SNAP91: variants seen among roughly 807,000 people sequenced by gnomAD.
The protein encoded by SNAP91 is clathrin coat assembly protein AP180.
A neutral mutation model predicts 100.3 loss-of-function variants in SNAP91; 27 were observed. That is an observed-to-expected ratio of 0.27 (90% CI 0.20 to 0.37). The LOEUF (loss-of-function observed/expected upper bound fraction) is 0.37, where lower values mean the gene tolerates loss of function less well. Ranked by LOEUF, SNAP91 falls within the 10% of genes least tolerant of loss-of-function variation. The probability of loss-of-function intolerance (pLI) is 1.00; values close to 1 mark genes in which losing one functional copy is unlikely to be tolerated. For missense variants in SNAP91, 986 were observed against 1,123.7 expected (o/e 0.88, Z 1.75); for synonymous variants, 404 against 398.6 (o/e 1.01, Z -0.16).
At chr6:83,663,015 A>G (rs2098590515) in intron 3 of SNAP91, among the ~76,000 whole-genome samples, 1 of 152,030 alleles carries the variant, frequency 6.6e-6, no homozygotes, top group Admixed American at 6.6e-5. Context: ...TTATTATTAT[A>G]TCTGTTTTGG....
intron 28 of SNAP91, among the ~76,000 whole-genome samples, chr6:83,557,554 G>T (rs1410587035): frequency 6.6e-6 from 1 of 151,852 alleles, no homozygotes; most frequent in African/African-American, 2.4e-5. Flanking sequence ...TGCATCTGTG[G>T]TCCCAGCTAC....
chr6:83,659,757 GTTTT>G (rs142190338), intron 5 of SNAP91, among the ~76,000 whole-genome samples: 2 of 150,870 alleles, frequency 1.3e-5, no homozygotes, highest in Non-Finnish European at 3.0e-5. Context: ...AAAAAAGCCA[GTTTT>G]TTTTTCTTTT....
Position 83,592,537 on chromosome 6 carries a change from C to A in SNAP91, c.1848G>T (p.Val616=). 1 of 1,605,732 alleles carries A rather than the reference C, an allele frequency of 6.2e-7. No individual in the cohort carries two copies. Residue 616 remains valine (V), a splice_region_variant and synonymous_variant, in exon 21 of 30, where the codon GTG becomes GTT. Transcript: ENST00000369694. The part of the protein sequence containing the change: ...ESSLTADLLS[V]DAFAAPSPAT... Reference sequence around the variant, plus strand: ...CAGGAGATGGTGCTGCAAATGCATCCACTGCAGTGAAGCACAGACAGGAAA... The same window carrying A: ...CAGGAGATGGTGCTGCAAATGCATCAACTGCAGTGAAGCACAGACAGGAAA...
intron 2 of SNAP91, among the ~76,000 whole-genome samples, chr6:83,700,538 ATCT>A (rs764876045): frequency 6.6e-6 from 1 of 151,758 alleles, no homozygotes; most frequent in African/African-American, 2.4e-5. Context: ...ACTATAATTA[ATCT>A]TCATTTTACA....
At chr6:83,555,440 T>C (rs915645512) in intron 29 of SNAP91, among the ~76,000 whole-genome samples, 4 of 152,134 alleles carry the variant, frequency 2.6e-5, no homozygotes, top group African/African-American at 9.7e-5. Context: ...ACAAAAAATA[T>C]CTGGATAGTT....
At chr6:83,605,198 G>A (rs1165396307) in intron 14 of SNAP91, among the ~76,000 whole-genome samples, 1 of 152,030 alleles carries the variant, frequency 6.6e-6, no homozygotes, top group East Asian at 1.9e-4. Context: ...ATAAGAATCT[G>A]TAAAAAGATT....
chr6:83,668,915 A>G (rs1159326144), intron 2 of SNAP91, among the ~76,000 whole-genome samples: 1 of 152,014 alleles, frequency 6.6e-6, no homozygotes, highest in Non-Finnish European at 1.5e-5. Context: ...AAATATTATT[A>G]AGTTGAAAAT....
At chr6:83,592,788 AC>A (rs2093953083) in intron 20 of SNAP91, among the ~76,000 whole-genome samples, 157 bp downstream of exon 20, 1 of 152,160 alleles carries the variant, frequency 6.6e-6, no homozygotes, top group South Asian at 2.1e-4. Context: ...TGAAATATTA[AC>A]CCTCAACGGT....
intron 2 of SNAP91, among the ~76,000 whole-genome samples, chr6:83,683,970 T>C (rs1041838897): frequency 6.6e-6 from 1 of 152,170 alleles, no homozygotes; most frequent in African/African-American, 2.4e-5. Flanking sequence ...GTGTTAATAA[T>C]CTTCGAACTA....
At chr6:83,694,069 AAAG>A (rs2099164128) in intron 2 of SNAP91, among the ~76,000 whole-genome samples, 2 of 152,230 alleles carry the variant, frequency 1.3e-5, no homozygotes, top group South Asian at 4.1e-4. Flanking sequence ...CACTGACATA[AAAG>A]AAGTATTTTT....
chr6:83,689,711 T>C (rs975386212), intron 2 of SNAP91: 2 of 151,896 alleles, frequency 1.3e-5, no homozygotes, highest in Admixed American at 6.6e-5. Flanking sequence ...TAGAAAAAAA[T>C]TCATTAAATA....
At chr6:83,570,820 T>C (rs1806012415) in intron 26 of SNAP91, among the ~76,000 whole-genome samples, 1 of 152,076 alleles carries the variant, frequency 6.6e-6, no homozygotes, top group African/African-American at 2.4e-5. Flanking sequence ...CAGGCAGAAG[T>C]TTGCTGCAGG....
intron 2 of SNAP91, among the ~76,000 whole-genome samples, chr6:83,704,662 G>A (rs1415310537): frequency 3.3e-5 from 5 of 151,128 alleles, no homozygotes; most frequent in African/African-American, 1.2e-4. Flanking sequence ...TATTTCATAA[G>A]GATTTTGAGC....
intron 2 of SNAP91, among the ~76,000 whole-genome samples, chr6:83,692,938 G>C (rs1056761273): frequency 6.6e-6 from 1 of 152,056 alleles, no homozygotes; most frequent in Admixed American, 6.6e-5. Flanking sequence ...GTCATGTGGT[G>C]TGTTTTTGTT....
chr6:83,598,041 T>C (rs1274330707), intron 16 of SNAP91, among the ~76,000 whole-genome samples: 1 of 152,200 alleles, frequency 6.6e-6, no homozygotes, highest in Non-Finnish European at 1.5e-5. Flanking sequence ...CACATTTGAT[T>C]GAAAGGGTAT....
Position 83,614,854 on chromosome 6 carries a change from C to T in SNAP91, c.884+3G>A. 2.5e-6 allele frequency: 4 copies of T among 1,592,100 alleles called. No individual in the cohort carries two copies. Among genetic ancestry groups the T allele is most frequent in the Non-Finnish European group, 3.4e-6 (4 of 1,175,486 alleles). ...CAAAAAACTCACTCCATACAGTACTCACCCTTCACTTAAGTTCCAAGGTAA... is the reference window on the plus strand; with the variant it reads ...CAAAAAACTCACTCCATACAGTACTTACCCTTCACTTAAGTTCCAAGGTAA... On this transcript the variant is annotated splice_donor_region_variant and intron_variant, in intron 11 of 29. Coordinates refer to ENST00000369694, the MANE Select transcript of SNAP91 (RefSeq NM_001242792.2).
chr6:83,586,201 T>C (rs1240766039), intron 22 of SNAP91, among the ~76,000 whole-genome samples: 2 of 152,240 alleles, frequency 1.3e-5, no homozygotes, highest in Non-Finnish European at 2.9e-5. Context: ...CACAGGATGA[T>C]AGAATTGATC....
chr6:83,598,594 G>T (rs999034170), intron 16 of SNAP91, among the ~76,000 whole-genome samples: 8 of 152,094 alleles, frequency 5.3e-5, no homozygotes, highest in African/African-American at 1.9e-4. Flanking sequence ...TATTGCATAG[G>T]ACCTCAAAAA....
chr6:83,611,200 G>A (rs1225248349), intron 11 of SNAP91, among the ~76,000 whole-genome samples: 2 of 151,464 alleles, frequency 1.3e-5, no homozygotes, highest in Non-Finnish European at 2.9e-5. Flanking sequence ...CTTGAAGTCT[G>A]TTTTCCCCCC....
Sources: gnomAD v4.1 joint callset for allele counts (sites outside exome capture counted in the v4.1 genomes callset) on GRCh38, gnomAD v4.1.1 for gene constraint, MANE v1.5 for transcripts, NCBI Gene and HGNC (gene_info 2026-07-23, HGNC 2026-07-21) for gene names.